The following CCL15 variants were observed in gnomAD, a reference collection of about 807,000 sequenced individuals.
CCL15 encodes C-C motif chemokine ligand 15, also known as C-C motif chemokine 15.
A neutral mutation model predicts 10.6 loss-of-function variants in CCL15; 8 were observed. The observed-to-expected ratio is 0.75, with a 90% CI of 0.44 to 1.36. CCL15 has a LOEUF of 1.36. Among genes scored for constraint, CCL15 ranks in the 40% most tolerant of loss-of-function variants. The pLI is 0.00. For missense variants in CCL15, 128 were observed against 136.6 expected, an observed-to-expected ratio of 0.94 and a Z score of 0.32; for synonymous variants, 51 against 48.8, an observed-to-expected ratio of 1.04 and a Z score of -0.19.
Position 36,001,266 on chromosome 17 carries a change from C to CT in CCL15, c.76+150dup, listed in dbSNP as rs2089992012. ...ACCTTTCCCCGCCAGGGTCCAAAGG[C>CT]TGCAGACAGAGCCAGGTCTATACCC... On this transcript the variant is annotated intron_variant, in intron 1 of 3. Transcript: ENST00000617897. The CT allele has an allele frequency of 1.1e-5, 11 of 990,326 alleles. No individual in the cohort carries two copies. In the South Asian group the frequency reaches 1.8e-4, roughly 17 times the overall value. 61.3% of individuals were successfully genotyped at this position (990,326 alleles called of 1,614,324 possible).
At position 35,998,906 on chromosome 17, in the gene CCL15, C is replaced by T; in HGVS notation, c.96G>A (p.Met32Ile). 6.2e-7 allele frequency: 1 copy of T among 1,613,998 alleles called. No individual in the cohort carries two copies. The highest frequency in any genetic ancestry group is 8.5e-7 in the Non-Finnish European group (1 of 1,179,804). Residue 32 changes from methionine (M) to isoleucine (I), a missense_variant, in exon 2 of 4, where the codon ATG (methionine) becomes ATA (isoleucine). Met to Ile is a conservative substitution (Grantham distance 10). Transcript: ENST00000617897. ...GATTTTCCAGTGGAAGCTTTGACATCATTAACTCTGTCTCTGCATCTGAAA... is the reference window on the plus strand; with the variant it reads ...GATTTTCCAGTGGAAGCTTTGACATTATTAACTCTGTCTCTGCATCTGAAA... ...QFTNDAETEL[M>I]MSKLPLENPV...
At chr17:36,001,297 G>A in intron 1 of CCL15, 120 bp downstream of exon 1, 1 of 1,320,268 alleles carries the variant, frequency 7.6e-7, no homozygotes, top group South Asian at 1.3e-5. Context: ...TACCCTGCTG[G>A]TGCTTTTTAA....
At chr17:36,001,096 T>A (rs1370554791) in intron 1 of CCL15, among the ~76,000 whole-genome samples, 1 of 152,236 alleles carries the variant, frequency 6.6e-6, no homozygotes, top group Non-Finnish European at 1.5e-5. Context: ...TCTAGCACCA[T>A]AAAATTGTAT....
At chr17:36,001,051 A>G (rs1315542372) in intron 1 of CCL15, among the ~76,000 whole-genome samples, 1 of 152,174 alleles carries the variant, frequency 6.6e-6, no homozygotes, top group Non-Finnish European at 1.5e-5. Context: ...TTCCTCTCAC[A>G]AATCATAATT....
chr17:36,001,305 T>C, intron 1 of CCL15, 112 bp downstream of exon 1: 1 of 1,406,762 alleles, frequency 7.1e-7, no homozygotes, highest in Non-Finnish European at 9.8e-7. Context: ...TGGTGCTTTT[T>C]AAATAAGTTC....
intron 1 of CCL15, among the ~76,000 whole-genome samples, chr17:35,999,920 G>C (rs2089969824): frequency 6.6e-6 from 1 of 151,878 alleles, no homozygotes; most frequent in African/African-American, 2.4e-5. Flanking sequence ...GGGAGGCCGA[G>C]GTGGGCAGAT....
At position 35,998,305 on chromosome 17, in the gene CCL15, T is replaced by A. The variant is rs143211795; in HGVS notation, c.223A>T (p.Ser75Cys). The A allele has an allele frequency of 6.3e-4, 1,010 of 1,613,966 alleles. 7 individuals are homozygous for A. In the South Asian group the frequency reaches 6.5e-3, roughly 10 times the overall value. The change falls in exon 3 of 4, where the codon AGC becomes TGC. Residue 75 changes from serine to cysteine, a missense_variant. Ser to Cys is a moderately radical substitution (Grantham distance 112, BLOSUM62 -1). Coordinates refer to ENST00000617897, the MANE Select transcript of CCL15 (RefSeq NM_032965.6). Reference sequence around the variant, plus strand: ...ATGACACCTGGCTTGGAGCACTCGCTGCTCGTTTCAAAATAACTTTTCATG... The same window carrying A: ...ATGACACCTGGCTTGGAGCACTCGCAGCTCGTTTCAAAATAACTTTTCATG... ...SLMKSYFETSSECSKPGVIFL... is the reference protein window; with the variant it reads ...SLMKSYFETSCECSKPGVIFL...
chr17:35,997,984 T>C, intron 3 of CCL15, 124 bp from the exon 4 acceptor site: 1 of 711,602 alleles, frequency 1.4e-6, no homozygotes, highest in South Asian at 1.6e-5. Context: ...TCTCTGCTGA[T>C]GGCAGCTCAG....
At chr17:36,000,150 CAAA>C (rs71157587) in intron 1 of CCL15, among the ~76,000 whole-genome samples, 1 of 63,632 alleles carries the variant, frequency 1.6e-5, no homozygotes, top group Non-Finnish European at 3.3e-5. Context: ...GACTCCATCT[CAAA>C]AAAAAAAAAA....
Position 35,998,919 on chromosome 17 carries a change from T to C in CCL15, c.83A>G (p.Glu28Gly). 1.2e-6 allele frequency: 2 copies of C among 1,613,736 alleles called. No individual in the cohort carries two copies. The highest frequency in any genetic ancestry group is 2.2e-5 in the South Asian group (2 of 91,070). The stretch of plus-strand genomic sequence containing the variant: ...AAGCTTTGACATCATTAACTCTGTC[T>C]CTGCATCTGAAAGAAACAGTACAGG... ...GSQAQFTNDA[E>G]TELMMSKLPL... Residue 28 changes from glutamate (E) to glycine (G), a missense_variant, in exon 2 of 4, where the codon GAG becomes GGG. Transcript: ENST00000617897.
rs529681886 is a variant in CCL15 at position 35,998,144 on chromosome 17, C to T, written c.248+136G>A. On this transcript the variant is annotated intron_variant, in intron 3 of 3. Transcript: ENST00000617897. ...CATCCCTGATGCCCTGCAGAATCCT[C>T]GTAAGGACACAGCTGCCCTGTATCT... 59 of 649,886 alleles carry T rather than the reference C, an allele frequency of 9.1e-5. No homozygotes were observed. The South Asian group carries it at 1.0e-3, about 11-fold the overall frequency. The allele number at this position is 649,886 out of a possible 1,614,324, so 40.3% of individuals were successfully genotyped here.
In CCL15 at chr17:36,001,426, A is replaced by C. The variant is rs2142016235; in HGVS notation, c.67T>G (p.Phe23Val). ...LVAVLGSQAQFTNDAETELMM... is the reference protein window; with the variant it reads ...LVAVLGSQAQVTNDAETELMM... ...AGCTCACTGGACTCACCATTTGTGA[A>C]CTGGGCCTGGGATCCAAGGACAGCA... The change falls in exon 1 of 4, where the codon TTC becomes GTC. Residue 23 changes from phenylalanine (F) to valine (V), a missense_variant. Physicochemically the swap from Phe to Val is conservative, Grantham distance 50 (BLOSUM62 -1). Coordinates refer to ENST00000617897, the MANE Select transcript of CCL15 (RefSeq NM_032965.6). The C allele has an allele frequency of 3.7e-6, 6 of 1,614,134 alleles. No individual in the cohort carries two copies. The highest frequency in any genetic ancestry group is 4.2e-6 in the Non-Finnish European group (5 of 1,180,012).
At chr17:35,998,727 C>T in intron 2 of CCL15, 139 bp downstream of exon 2, 1 of 747,696 alleles carries the variant, frequency 1.3e-6, no homozygotes, top group Non-Finnish European at 2.3e-6. Context: ...CTACCCTGTC[C>T]TGATCTCCCT....
chr17:35,998,416 G>T, intron 2 of CCL15, 25 bp from the exon 3 acceptor site: 1 of 1,516,760 alleles, frequency 6.6e-7, no homozygotes, highest in Non-Finnish European at 9.1e-7. Context: ...AGCGTCATCT[G>T]AGGGCAAATC....
At position 35,997,868 on chromosome 17, in the gene CCL15, A is replaced by G; in HGVS notation, c.249-8T>C. ...CCCTTCTTGGTGAGGAATCTGGGGA[A>G]CAAGGGAGAGAAAGATTACAAACTG... On this transcript the variant is annotated splice_polypyrimidine_tract_variant and splice_region_variant and intron_variant, in intron 3 of 3. Transcript: ENST00000617897. 6.2e-7 allele frequency: 1 copy of G among 1,609,582 alleles called. No homozygotes were observed. The highest frequency in any genetic ancestry group is 1.3e-5 in the African/African-American group (1 of 74,948).
chr17:35,998,492 C>A, intron 2 of CCL15, 101 bp from the exon 3 acceptor site: 1 of 857,254 alleles, frequency 1.2e-6, no homozygotes. Flanking sequence ...TTCTCCTCCT[C>A]GGCTAGCACT....
chr17:36,001,445 G>T lies in CCL15; in HGVS notation c.48C>A (p.Val16=). Residue 16 remains valine (V), a synonymous_variant, in exon 1 of 4, where the codon GTC becomes GTA. Coordinates refer to ENST00000617897, the MANE Select transcript of CCL15 (RefSeq NM_032965.6). ...TTGTGAACTGGGCCTGGGATCCAAG[G>T]ACAGCAACAAGCATGAGGCAGGAGA... ...AALSCLMLVA[V]LGSQAQFTND... is the part of the protein sequence containing the mutation. 1.9e-6 allele frequency: 3 copies of T among 1,614,134 alleles called. No homozygotes were observed. The highest frequency in any genetic ancestry group is 2.5e-6 in the Non-Finnish European group (3 of 1,180,016).
In CCL15 at chr17:35,998,321, A is replaced by G; in HGVS notation, c.207T>C (p.Ser69=). 6.2e-7 allele frequency: 1 copy of G among 1,614,154 alleles called. No individual in the cohort carries two copies. Among genetic ancestry groups the G allele is most frequent in the South Asian group, 1.1e-5 (1 of 91,068 alleles). The change falls in exon 3 of 4, where the codon AGT becomes AGC. Residue 69 remains serine, a synonymous_variant. Coordinates refer to ENST00000617897, the MANE Select transcript of CCL15 (RefSeq NM_032965.6). Reference sequence around the variant, plus strand: ...AGCACTCGCTGCTCGTTTCAAAATAACTTTTCATGAGTGAACACGGGATGC... The same window carrying G: ...AGCACTCGCTGCTCGTTTCAAAATAGCTTTTCATGAGTGAACACGGGATGC... ...SQSIPCSLMK[S]YFETSSECSK...
rs536342254 is a variant in CCL15 at position 36,000,023 on chromosome 17, C to T, written c.77-1098G>A. On this transcript the variant is annotated intron_variant, in intron 1 of 3. Coordinates refer to ENST00000617897, the MANE Select transcript of CCL15 (RefSeq NM_032965.6). The stretch of plus-strand genomic sequence containing the variant: ...AAAATTAGCCGGGCGTGGTGGCAGG[C>T]GCCTGTAGTCCCAGCTACTCGGGAG... Among the ~76,000 whole-genome samples, 534 of 151,422 alleles carry T rather than the reference C, an allele frequency of 3.5e-3. 1 individual carries two copies. The highest frequency in any genetic ancestry group is 5.4e-3 in the Non-Finnish European group (363 of 67,824).
Sources: allele counts gnomAD v4.1 joint callset (sites outside exome capture counted in the v4.1 genomes callset), GRCh38; gene constraint gnomAD v4.1.1; transcripts MANE v1.5; gene names NCBI Gene and HGNC (gene_info 2026-07-23, HGNC 2026-07-21).